DOCK2: variants seen among roughly 807,000 people sequenced by gnomAD.
The protein encoded by DOCK2 is dedicator of cytokinesis 2.
DOCK2 carries 87 observed loss-of-function variants against 248.9 expected under a neutral mutation model. That is an observed-to-expected ratio of 0.35 (90% CI 0.29 to 0.42). The LOEUF (loss-of-function observed/expected upper bound fraction) is 0.42. Among genes scored for constraint, DOCK2 ranks in the 10% least tolerant of loss-of-function variants. The pLI is 1.00. For synonymous variants in DOCK2, 805 were observed against 821.6 expected (o/e 0.98, Z 0.35); for missense variants, 1,747 against 2,300.2 (o/e 0.76, Z 4.92).
chr5:169,679,843 C>T (rs991872333), intron 6 of DOCK2, among the ~76,000 whole-genome samples: 16 of 152,268 alleles, frequency 1.1e-4, no homozygotes, highest in African/African-American at 3.4e-4. Flanking sequence ...CCTCTCAATT[C>T]GATTCTCTGA....
At chr5:169,815,942 C>T (rs958453573) in intron 26 of DOCK2, among the ~76,000 whole-genome samples, 4 of 152,278 alleles carry the variant, frequency 2.6e-5, no homozygotes, top group Admixed American at 2.6e-4. Flanking sequence ...TGCATAAAAG[C>T]ACTAGTTGAA....
chr5:169,961,836 G>A (rs754302009), intron 27 of DOCK2, among the ~76,000 whole-genome samples: 3 of 151,836 alleles, frequency 2.0e-5, no homozygotes, highest in Non-Finnish European at 2.9e-5. Context: ...AAAATTAGCT[G>A]AGTGTGGTGG....
intron 39 of DOCK2, among the ~76,000 whole-genome samples, chr5:170,047,130 C>T (rs1474161074): frequency 1.3e-5 from 2 of 152,150 alleles, no homozygotes; most frequent in African/African-American, 4.8e-5. Flanking sequence ...CTCACAAATC[C>T]ATGCCCAAGT....
At chr5:170,049,259 CA>C (rs1018405158) in intron 40 of DOCK2, among the ~76,000 whole-genome samples, 7 of 152,194 alleles carry the variant, frequency 4.6e-5, no homozygotes, top group African/African-American at 1.7e-4. Flanking sequence ...GGACTACAGG[CA>C]TGTGCCACCA....
chr5:169,993,985 G>A (rs1207179371), intron 29 of DOCK2, among the ~76,000 whole-genome samples: 9 of 152,168 alleles, frequency 5.9e-5, no homozygotes, highest in African/African-American at 1.2e-4. Flanking sequence ...AGTCAAGGAC[G>A]TTACCAAAAT....
intron 42 of DOCK2, chr5:170,056,370 T>G (rs1484513757): frequency 8.3e-6 from 2 of 241,212 alleles, no homozygotes; most frequent in African/African-American, 4.5e-5. Flanking sequence ...CCTCAGCTCC[T>G]TTGTTGCAGA....
intron 26 of DOCK2, among the ~76,000 whole-genome samples, chr5:169,838,379 G>A (rs987988782): frequency 2.0e-5 from 3 of 152,188 alleles, no homozygotes; most frequent in African/African-American, 7.2e-5. Flanking sequence ...GAACAATGGA[G>A]AGAGTAATGT....
chr5:169,840,139 G>A (rs572032695), intron 26 of DOCK2, among the ~76,000 whole-genome samples: 2 of 152,298 alleles, frequency 1.3e-5, no homozygotes, highest in South Asian at 4.1e-4. Flanking sequence ...CTAGGCTTCT[G>A]GGGAGGCCTC....
At position 170,056,689 on chromosome 5, in the gene DOCK2, A is replaced by G; in HGVS notation, c.4301A>G (p.Tyr1434Cys). The change falls in exon 43 of 52, where the codon TAC becomes TGC. Residue 1434 changes from tyrosine to cysteine, a missense_variant. Around this residue, in one of 4 missense-constraint regions of DOCK2, gnomAD observed 513 missense variants for 586.1 expected, o/e 0.88. Coordinates refer to ENST00000520908, the MANE Select transcript of DOCK2 (RefSeq NM_004946.3). ...AGCCTCTTCCTGTCTTTCAGCTTCT[A>G]CAAATCCAACTACGTGCAAAGGTTC... ...KPVPDQIINF[Y>C]KSNYVQRFHY... The G allele has an allele frequency of 6.2e-7, 1 of 1,614,000 alleles. No homozygotes were observed. The highest frequency in any genetic ancestry group is 8.5e-7 in the Non-Finnish European group (1 of 1,179,924).
chr5:170,059,895 C>A (rs1164969049), intron 44 of DOCK2, among the ~76,000 whole-genome samples: 1 of 152,176 alleles, frequency 6.6e-6, no homozygotes, highest in Non-Finnish European at 1.5e-5. Context: ...ATTGGGGAAA[C>A]CTTCAAAAAG....
At chr5:169,720,049 T>C (rs1485395322) in intron 22 of DOCK2, among the ~76,000 whole-genome samples, 7 of 152,318 alleles carry the variant, frequency 4.6e-5, no homozygotes. Context: ...CTTTGAGATT[T>C]CAGGTTATGA....
intron 36 of DOCK2, 28 bp from the exon 37 acceptor site, chr5:170,041,027 A>T: frequency 6.2e-7 from 1 of 1,601,738 alleles, no homozygotes; most frequent in Non-Finnish European, 8.6e-7. Context: ...TGCACCTGGT[A>T]GCTTACTGCA....
rs545696634 is a variant in DOCK2 at position 169,886,786 on chromosome 5, T to TTTTTTGC, written c.2799+45938_2799+45944dup. Among the ~76,000 whole-genome samples, 377 of 152,292 alleles carry TTTTTTGC rather than the reference T, an allele frequency of 2.5e-3. 18 individuals carry two copies. In the South Asian group the frequency reaches 0.074, roughly 30 times the overall value. Reference sequence around the variant, plus strand: ...TTTTGAGGGTTTCCTTGACTAATTGTTTTTTGCTTTCTTCTTAACTGCTCA... The same window carrying TTTTTTGC: ...TTTTGAGGGTTTCCTTGACTAATTGTTTTTTGCTTTTTGCTTTCTTCTTAACTGCTCA... On this transcript the variant is annotated intron_variant, in intron 27 of 51. Transcript: ENST00000520908.
At chr5:169,924,645 C>T (rs1008983018) in intron 27 of DOCK2, among the ~76,000 whole-genome samples, 10 of 152,166 alleles carry the variant, frequency 6.6e-5, no homozygotes, top group Admixed American at 1.3e-4. Flanking sequence ...TATTAGCAAC[C>T]CCATCCTGCT....
chr5:169,801,887 G>A (rs1767015703), intron 25 of DOCK2, among the ~76,000 whole-genome samples: 2 of 147,620 alleles, frequency 1.4e-5, no homozygotes, highest in Non-Finnish European at 3.0e-5. Context: ...TCTTATCTCT[G>A]TACCTTGATA....
chr5:169,772,160 C>A (rs966350454), intron 25 of DOCK2, among the ~76,000 whole-genome samples: 45 of 152,182 alleles, frequency 3.0e-4, no homozygotes, highest in African/African-American at 1.1e-3. Context: ...CATGCAGGTT[C>A]TCTGTGCTAT....
At chr5:169,693,076 C>T (rs904227925) in intron 9 of DOCK2, among the ~76,000 whole-genome samples, 13 of 152,154 alleles carry the variant, frequency 8.5e-5, no homozygotes, top group African/African-American at 2.6e-4. Flanking sequence ...GTACCAGGGC[C>T]TCTGTCGCTC....
At chr5:169,739,130 T>C (rs564552490) in intron 22 of DOCK2, among the ~76,000 whole-genome samples, 4 of 152,220 alleles carry the variant, frequency 2.6e-5, no homozygotes, top group African/African-American at 9.6e-5. Flanking sequence ...TGGAAGAGCC[T>C]GGGGTTAATT....
chr5:170,039,875 CAT>C (rs1756456114), intron 36 of DOCK2, among the ~76,000 whole-genome samples: 1 of 152,188 alleles, frequency 6.6e-6, no homozygotes, highest in South Asian at 2.1e-4. Context: ...AAGAAATTAG[CAT>C]ATCCCCTCAC....
Sources: gnomAD v4.1 joint callset for allele counts (sites outside exome capture counted in the v4.1 genomes callset) on GRCh38, gnomAD v4.1.1 for gene constraint, gnomAD v4.1.1 regional missense constraint, MANE v1.5 for transcripts, NCBI Gene and HGNC (gene_info 2026-07-23, HGNC 2026-07-21) for gene names.